DOCK9: variants seen among roughly 807,000 people sequenced by gnomAD.
DOCK9 encodes the protein dedicator of cytokinesis 9.
Under a neutral mutation model 263.3 loss-of-function variants are expected in DOCK9, and 89 were observed. The ratio of observed to expected loss-of-function variants is 0.34; its 90% CI spans 0.28 to 0.40. DOCK9 has a LOEUF of 0.40. Among genes scored for constraint, DOCK9 ranks in the 10% least tolerant of loss-of-function variants. The probability of loss-of-function intolerance (pLI) is 1.00; values close to 1 mark genes in which losing one functional copy is unlikely to be tolerated. For missense variants in DOCK9, 2,140 were observed against 2,603.4 expected (o/e 0.82, Z 3.87); for synonymous variants, 976 against 973.1 (o/e 1.00, Z -0.06).
intron 1 of DOCK9, among the ~76,000 whole-genome samples, chr13:98,997,328 T>C (rs1881290477): frequency 6.6e-6 from 1 of 152,166 alleles, no homozygotes; most frequent in African/African-American, 2.4e-5. Context: ...AGGCAAACAA[T>C]AAGAAAACTT....
At chr13:98,999,545 G>C (rs2141821571) in intron 1 of DOCK9, among the ~76,000 whole-genome samples, 1 of 152,206 alleles carries the variant, frequency 6.6e-6, no homozygotes, top group Admixed American at 6.5e-5. Context: ...GGGGTTGCAG[G>C]ACAGACAACA....
rs1338373439 is a variant in DOCK9, at chr13:98,825,158, T to C, written c.5024-654A>G. On this transcript the variant is annotated intron_variant, in intron 44 of 52. Transcript: ENST00000682017. The surrounding 1 kb of genome is among the most constrained non-coding windows in gnomAD (Gnocchi z 4.1). ...GGTGTTAGCTTAGAGGCAGGATCAA[T>C]GTCTGGGATAAGGATGTGTTTCTTA... Among the ~76,000 whole-genome samples the C allele has an allele frequency of 2.0e-5, 3 of 152,204 alleles. No individual in the cohort carries two copies. The highest frequency in any genetic ancestry group is 4.8e-5 in the African/African-American group (2 of 41,450).
intron 1 of DOCK9, among the ~76,000 whole-genome samples, chr13:98,974,830 T>C (rs1370315024): frequency 2.0e-5 from 3 of 148,032 alleles, no homozygotes; most frequent in Admixed American, 6.7e-5. Flanking sequence ...TCCCTAACAC[T>C]GAACAAGCAG....
chr13:99,038,295 T>TCCGC (rs1387008734), intron 1 of DOCK9, among the ~76,000 whole-genome samples: 3 of 70,280 alleles, frequency 4.3e-5, no homozygotes, highest in African/African-American at 1.6e-4. Context: ...CCCCTTTTTT[T>TCCGC]TTTTTTTTTT....
intron 1 of DOCK9, among the ~76,000 whole-genome samples, chr13:99,060,388 AC>A (rs2041134846): frequency 1.3e-5 from 2 of 151,816 alleles, no homozygotes; most frequent in African/African-American, 4.8e-5. Flanking sequence ...GATTATTTCT[AC>A]TTTTTGGCTA....
At chr13:98,879,579 T>C (rs2044419047) in intron 27 of DOCK9, among the ~76,000 whole-genome samples, 1 of 152,196 alleles carries the variant, frequency 6.6e-6, no homozygotes. Flanking sequence ...TATTTTTCTT[T>C]AGGTTAATAA....
intron 26 of DOCK9, among the ~76,000 whole-genome samples, chr13:98,880,302 T>C (rs1046417650): frequency 1.3e-5 from 2 of 152,028 alleles, no homozygotes; most frequent in African/African-American, 2.4e-5. Flanking sequence ...CTCTAAGTCA[T>C]AGACCTTCAT....
At chr13:98,796,261 C>T (rs375869122) in intron 52 of DOCK9, 3 of 1,524,858 alleles carry the variant, frequency 2.0e-6, no homozygotes, top group African/African-American at 1.4e-5. Context: ...AGTTAAAGCT[C>T]ACACACTGAC....
chr13:99,003,660 T>C (rs1174713718), intron 1 of DOCK9, among the ~76,000 whole-genome samples: 1 of 108,320 alleles, frequency 9.2e-6, no homozygotes, highest in Non-Finnish European at 2.1e-5. Context: ...TCTTGACTCC[T>C]TGTCTCTTAT....
intron 1 of DOCK9, among the ~76,000 whole-genome samples, chr13:98,990,034 T>C (rs1227979569): frequency 2.0e-5 from 3 of 152,230 alleles, no homozygotes; most frequent in South Asian, 4.1e-4. Context: ...AACCCTAGTG[T>C]TCTGCTGCCT....
intron 26 of DOCK9, 87 bp downstream of exon 26, chr13:98,880,460 C>T (rs1201913010): frequency 8.3e-5 from 130 of 1,558,694 alleles, no homozygotes; most frequent in Non-Finnish European, 8.7e-5. Flanking sequence ...TCTCTAAGAG[C>T]ACTCAGAAAG....
At chr13:99,067,191 C>T (rs968743367) in intron 1 of DOCK9, among the ~76,000 whole-genome samples, 1 of 152,166 alleles carries the variant, frequency 6.6e-6, no homozygotes, top group African/African-American at 2.4e-5. Flanking sequence ...TTCCATGCTC[C>T]TTGAGGACAA....
chr13:99,017,805 A>G (rs1397957747), intron 1 of DOCK9, among the ~76,000 whole-genome samples: 1 of 152,232 alleles, frequency 6.6e-6, no homozygotes, highest in East Asian at 1.9e-4. Flanking sequence ...TTGTTGGGCC[A>G]CATTCAAAGC....
intron 15 of DOCK9, among the ~76,000 whole-genome samples, chr13:98,896,318 AG>A (rs918342597): frequency 1.3e-5 from 2 of 152,218 alleles, no homozygotes; most frequent in African/African-American, 2.4e-5. Context: ...GATTCTGATT[AG>A]GAACACGTCT....
At chr13:99,031,196 T>C (rs559606580) in intron 1 of DOCK9, among the ~76,000 whole-genome samples, 3 of 152,334 alleles carry the variant, frequency 2.0e-5, no homozygotes, top group South Asian at 4.1e-4. Context: ...TTTTCTGCAA[T>C]AGAATCGCAA....
At chr13:98,830,996 A>G (rs2092739149) in intron 41 of DOCK9, among the ~76,000 whole-genome samples, 1 of 152,244 alleles carries the variant, frequency 6.6e-6, no homozygotes, top group Non-Finnish European at 1.5e-5. Flanking sequence ...GTGTCAGCAG[A>G]TAGAGGACAG....
At chr13:98,950,156 C>A (rs914792106) in intron 2 of DOCK9, 2 of 644,336 alleles carry the variant, frequency 3.1e-6, no homozygotes, top group Non-Finnish European at 5.3e-6. Flanking sequence ...AGTGAAGTCA[C>A]ACCATTAATT....
At chr13:99,066,962 T>G (rs535847639) in intron 1 of DOCK9, among the ~76,000 whole-genome samples, 12 of 152,226 alleles carry the variant, frequency 7.9e-5, no homozygotes, top group Non-Finnish European at 1.6e-4. Flanking sequence ...TTTCTGAATC[T>G]TGCAAAAGGA....
intron 30 of DOCK9, among the ~76,000 whole-genome samples, chr13:98,864,259 C>A (rs1021276930): frequency 6.6e-6 from 1 of 152,176 alleles, no homozygotes; most frequent in African/African-American, 2.4e-5. Context: ...CACCAGCAAG[C>A]TAAATGACAA....
Sources: gnomAD v4.1 joint callset for allele counts (sites outside exome capture counted in the v4.1 genomes callset) on GRCh38, gnomAD v4.1.1 for gene constraint, Gnocchi (gnomAD v3.1) non-coding constraint, MANE v1.5 for transcripts, NCBI Gene and HGNC (gene_info 2026-07-23, HGNC 2026-07-21) for gene names.